Variants in ANO4 observed in about 807,000 individuals in gnomAD.
The protein encoded by ANO4 is anoctamin 4, also known as anoctamin-4.
Under a neutral mutation model 141.9 loss-of-function variants are expected in ANO4, and 69 were observed. The observed-to-expected ratio is 0.49, with a 90% CI of 0.40 to 0.59. ANO4 has a LOEUF of 0.59. Ranked by LOEUF, ANO4 falls within the 20% of genes least tolerant of loss-of-function variation. ANO4 has a pLI of 0.00. For missense variants in ANO4, 894 were observed against 1,162.2 expected (o/e 0.77, Z 3.36); for synonymous variants, 350 against 394.3 (o/e 0.89, Z 1.33).
intron 1 of ANO4, among the ~76,000 whole-genome samples, chr12:100,832,105 A>G (rs931729663): frequency 5.3e-5 from 8 of 152,190 alleles, no homozygotes; most frequent in Admixed American, 1.3e-4. Context: ...TATGCAACAC[A>G]GCCTCCAGAA....
At chr12:100,897,525 C>A (rs540439447) in intron 1 of ANO4, among the ~76,000 whole-genome samples, 1 of 152,338 alleles carries the variant, frequency 6.6e-6, no homozygotes, top group East Asian at 1.9e-4. Flanking sequence ...TCGCCCCACA[C>A]CTGCCCTATG....
At chr12:100,880,100 G>A (rs1472659748) in intron 1 of ANO4, among the ~76,000 whole-genome samples, 5 of 152,174 alleles carry the variant, frequency 3.3e-5, no homozygotes, top group African/African-American at 4.8e-5. Context: ...GGGTAGTTTA[G>A]CATGGCTATA....
chr12:100,950,850 G>A (rs1047662016), intron 5 of ANO4, among the ~76,000 whole-genome samples: 4 of 152,206 alleles, frequency 2.6e-5, no homozygotes, highest in Non-Finnish European at 5.9e-5. Context: ...TAGAGATGCT[G>A]CCAAATCTGT....
intron 2 of ANO4, among the ~76,000 whole-genome samples, chr12:100,739,258 TG>T (rs1200595833): frequency 6.6e-6 from 1 of 152,036 alleles, no homozygotes; most frequent in African/African-American, 2.4e-5. Context: ...TCCAAATTCA[TG>T]TTACCTTCCC....
intron 13 of ANO4, 54 bp downstream of exon 13, chr12:101,043,689 G>C: frequency 1.6e-5 from 21 of 1,275,412 alleles, no homozygotes; most frequent in Middle Eastern, 1.8e-4. Flanking sequence ...ACACCTTCCT[G>C]AGGGATGGTG....
At chr12:100,840,098 C>T (rs960896179) in intron 1 of ANO4, among the ~76,000 whole-genome samples, 3 of 148,470 alleles carry the variant, frequency 2.0e-5, no homozygotes, top group Non-Finnish European at 4.5e-5. Flanking sequence ...AATTTTCTGA[C>T]ATGAAAAAGA....
chr12:100,926,602 TTGTGTG>T (rs3059281), intron 3 of ANO4, among the ~76,000 whole-genome samples: 2 of 147,504 alleles, frequency 1.4e-5, no homozygotes, highest in East Asian at 2.0e-4. Flanking sequence ...AAGGGTGTGT[TTGTGTG>T]TGTGTGTGTG....
chr12:101,103,179 CATTTTATATATAT>C (rs1461162717), intron 22 of ANO4, among the ~76,000 whole-genome samples: 23 of 70,272 alleles, frequency 3.3e-4, no homozygotes, highest in African/African-American at 1.4e-3. Flanking sequence ...CCTTTTTAGT[CATTTTATATATAT>C]ATATATATAT....
At chr12:100,820,959 G>A (rs544079295) in intron 1 of ANO4, among the ~76,000 whole-genome samples, 1 of 152,070 alleles carries the variant, frequency 6.6e-6, no homozygotes, top group South Asian at 2.1e-4. Flanking sequence ...ATTTTTGTTG[G>A]TCAGCATTAT....
chr12:100,898,268 A>G (rs540357424), intron 1 of ANO4, among the ~76,000 whole-genome samples: 24 of 152,358 alleles, frequency 1.6e-4, no homozygotes, highest in African/African-American at 5.1e-4. Context: ...ATTCATTTCT[A>G]AAGATGTGAC....
At chr12:101,021,528 G>C (rs749468069) in intron 9 of ANO4, among the ~76,000 whole-genome samples, 4 of 152,210 alleles carry the variant, frequency 2.6e-5, no homozygotes, top group Non-Finnish European at 5.9e-5. Context: ...TGCATTTGGA[G>C]CTGAGGGGAA....
chr12:100,791,149 C>T (rs2034032252), upstream of ANO4, among the ~76,000 whole-genome samples: 1 of 152,148 alleles, frequency 6.6e-6, no homozygotes, highest in Non-Finnish European at 1.5e-5. Flanking sequence ...GAGGCTGAGG[C>T]AGGCGGATTG....
chr12:100,961,045 C>G (rs2043397441), intron 5 of ANO4, among the ~76,000 whole-genome samples: 1 of 152,180 alleles, frequency 6.6e-6, no homozygotes, highest in Non-Finnish European at 1.5e-5. Context: ...TCTGTTCATA[C>G]TAATTACATT....
At chr12:101,043,687 C>CCTCAGGAAGGTGTATG in intron 13 of ANO4, 52 bp downstream of exon 13, 1 of 1,335,548 alleles carries the variant, frequency 7.5e-7, no homozygotes, top group Non-Finnish European at 1.1e-6. Flanking sequence ...ATACACCTTC[C>CCTCAGGAAGGTGTATG]TGAGGGATGG....
At chr12:100,991,396 T>C (rs1308441759) in intron 8 of ANO4, among the ~76,000 whole-genome samples, 1 of 151,944 alleles carries the variant, frequency 6.6e-6, no homozygotes, top group Non-Finnish European at 1.5e-5. Flanking sequence ...CAAAATCCCA[T>C]GTGACTTCTT....
intron 3 of ANO4, among the ~76,000 whole-genome samples, chr12:100,765,698 A>G (rs1208508757): frequency 1.3e-5 from 2 of 151,398 alleles, no homozygotes; most frequent in Admixed American, 1.3e-4. Flanking sequence ...TTCAAAAAAA[A>G]AAAAAAGAGT....
upstream of ANO4, among the ~76,000 whole-genome samples, chr12:100,791,097 G>A (rs2034030675): frequency 6.6e-6 from 1 of 152,178 alleles, no homozygotes; most frequent in Non-Finnish European, 1.5e-5. Context: ...TGTAATTCAA[G>A]GCTGGGTGTG....
intron 1 of ANO4, among the ~76,000 whole-genome samples, chr12:100,797,158 A>C (rs1415494123): frequency 6.6e-6 from 1 of 152,056 alleles, no homozygotes; most frequent in African/African-American, 2.4e-5. Flanking sequence ...ACACATATAC[A>C]AGCGTGTACA....
intron 1 of ANO4, among the ~76,000 whole-genome samples, chr12:100,825,074 C>G (rs1055365398): frequency 6.6e-6 from 1 of 151,794 alleles, no homozygotes; most frequent in East Asian, 1.9e-4. Context: ...ATCTTTTTAC[C>G]GTGGTATCAT....
Sources: gnomAD v4.1 joint callset for allele counts (sites outside exome capture counted in the v4.1 genomes callset) on GRCh38, gnomAD v4.1.1 for gene constraint, MANE v1.5 for transcripts, NCBI Gene and HGNC (gene_info 2026-07-23, HGNC 2026-07-21) for gene names.